Variants in IGSF21 observed in about 807,000 individuals in gnomAD.
The protein encoded by IGSF21 is immunoglobin superfamily member 21.
IGSF21 carries 28 observed loss-of-function variants against 46.8 expected under a neutral mutation model. The ratio of observed to expected loss-of-function variants is 0.60; its 90% CI spans 0.44 to 0.82. The LOEUF (loss-of-function observed/expected upper bound fraction) is 0.82, where lower values mean the gene tolerates loss of function less well. IGSF21 is among the 40% of genes least tolerant of loss of function. IGSF21 has a pLI of 0.00. For missense variants in IGSF21, 624 were observed against 665.5 expected (o/e 0.94, Z 0.69); for synonymous variants, 284 against 273.6 (o/e 1.04, Z -0.38).
chr1:18,320,688 T>G (rs765864779), intron 3 of IGSF21, among the ~76,000 whole-genome samples: 37 of 152,212 alleles, frequency 2.4e-4, no homozygotes, highest in Non-Finnish European at 3.8e-4. Flanking sequence ...GAGAGAGATC[T>G]CCAGCCATTC....
At chr1:18,278,955 A>C (rs1278758242) in intron 2 of IGSF21, 1 of 470,250 alleles carries the variant, frequency 2.1e-6, no homozygotes, top group East Asian at 7.0e-5. Flanking sequence ...GTTCGTAATC[A>C]AATGTTGGGG....
At chr1:18,245,716 T>C (rs949380116) in intron 2 of IGSF21, among the ~76,000 whole-genome samples, 1 of 152,240 alleles carries the variant, frequency 6.6e-6, no homozygotes, top group African/African-American at 2.4e-5. Context: ...TGCCAGGCAC[T>C]GGGCTAGGAT....
At chr1:18,142,611 G>T (rs1224032425) in intron 1 of IGSF21, among the ~76,000 whole-genome samples, 2 of 152,200 alleles carry the variant, frequency 1.3e-5, no homozygotes, top group African/African-American at 4.8e-5. Context: ...CTGAGAAGGA[G>T]CCGGGCTCTG....
At position 18,222,031 on chromosome 1, in the gene IGSF21, C is replaced by T. The variant is rs141536070; in HGVS notation, c.71-5867C>T. On this transcript the variant is annotated intron_variant, in intron 1 of 9. Transcript: ENST00000251296. The stretch of plus-strand genomic sequence containing the variant: ...AGGGAAAACTTGCCTGAGGTCCCAG[C>T]GCTGGGTGGCAGTGTTGCTGAGACC... Among the ~76,000 whole-genome samples the T allele has an allele frequency of 1.4e-4, 21 of 152,250 alleles. No individual in the cohort carries two copies. In the East Asian group the frequency reaches 3.5e-3, roughly 25 times the overall value.
intron 3 of IGSF21, among the ~76,000 whole-genome samples, chr1:18,313,630 G>T (rs972207786): frequency 6.6e-6 from 1 of 152,166 alleles, no homozygotes; most frequent in Non-Finnish European, 1.5e-5. Flanking sequence ...CTGGGCTCCA[G>T]GGAGACAGCA....
At chr1:18,196,869 C>G (rs887849761) in intron 1 of IGSF21, among the ~76,000 whole-genome samples, 16 of 152,128 alleles carry the variant, frequency 1.1e-4, no homozygotes, top group African/African-American at 2.9e-4. Context: ...CAGTAAGACA[C>G]CCTTCTATGC....
chr1:18,330,746 ATC>A (rs1462259107), intron 3 of IGSF21, among the ~76,000 whole-genome samples: 1 of 152,178 alleles, frequency 6.6e-6, no homozygotes. Flanking sequence ...GATGATTCTT[ATC>A]TCTCTTTTTG....
At chr1:18,181,839 T>C (rs757927687) in intron 1 of IGSF21, among the ~76,000 whole-genome samples, 1 of 152,116 alleles carries the variant, frequency 6.6e-6, no homozygotes, top group African/African-American at 2.4e-5. Flanking sequence ...CACGTTCCCA[T>C]CTTGACACCA....
chr1:18,122,375 G>A (rs1462938119), intron 1 of IGSF21, among the ~76,000 whole-genome samples: 1 of 151,110 alleles, frequency 6.6e-6, no homozygotes, highest in Non-Finnish European at 1.5e-5. Flanking sequence ...ATTTTTCATA[G>A]AGACAGGGTT....
chr1:18,159,069 C>T (rs927164279), intron 1 of IGSF21, among the ~76,000 whole-genome samples: 2 of 152,202 alleles, frequency 1.3e-5, no homozygotes, highest in Non-Finnish European at 2.9e-5. Flanking sequence ...GTTTGGTCGC[C>T]TCTCTGCCCA....
intron 2 of IGSF21, among the ~76,000 whole-genome samples, chr1:18,238,032 GC>G (rs2084689366): frequency 6.6e-6 from 1 of 152,008 alleles, no homozygotes; most frequent in Non-Finnish European, 1.5e-5. Flanking sequence ...CAGAAAATAT[GC>G]CTAATATGTT....
intron 1 of IGSF21, among the ~76,000 whole-genome samples, chr1:18,194,677 T>C (rs1404553595): frequency 6.6e-6 from 1 of 152,212 alleles, no homozygotes; most frequent in African/African-American, 2.4e-5. Flanking sequence ...GCCTCTTAAC[T>C]AATTACAACT....
At chr1:18,153,224 C>T (rs962410207) in intron 1 of IGSF21, among the ~76,000 whole-genome samples, 2 of 152,194 alleles carry the variant, frequency 1.3e-5, no homozygotes, top group Non-Finnish European at 2.9e-5. Context: ...GAGGCATTCC[C>T]GGGCGTTGCT....
chr1:18,328,417 G>A (rs1470164639), intron 3 of IGSF21, among the ~76,000 whole-genome samples: 2 of 152,192 alleles, frequency 1.3e-5, no homozygotes, highest in African/African-American at 4.8e-5. Flanking sequence ...GCTACTCAAA[G>A]TCTGGTTTCT....
Position 18,334,753 on chromosome 1 carries a change from C to T in IGSF21, c.306-139C>T. 1.4e-6 allele frequency: 1 copy of T among 689,686 alleles called. No individual in the cohort carries two copies. The highest frequency in any genetic ancestry group is 2.6e-6 in the Non-Finnish European group (1 of 380,654). 42.7% of individuals were successfully genotyped at this position (689,686 alleles called of 1,614,324 possible). ...ATACAGTCGGTGTTCCATAAATGCT[C>T]CCCTCCTCCCAGCCCAGCACACAGG... On this transcript the variant is annotated intron_variant, in intron 3 of 9. Transcript: ENST00000251296. The surrounding 1 kb of genome is among the most constrained non-coding windows in gnomAD (Gnocchi z 4.3).
intron 1 of IGSF21, among the ~76,000 whole-genome samples, chr1:18,155,406 A>G (rs1426111215): frequency 2.6e-5 from 4 of 152,182 alleles, no homozygotes; most frequent in East Asian, 1.9e-4. Flanking sequence ...CCTACTTTGT[A>G]GGGTTGCTAT....
intron 3 of IGSF21, among the ~76,000 whole-genome samples, chr1:18,306,960 C>T (rs116692241): frequency 0.017 from 2,596 of 152,348 alleles, 27 homozygotes; most frequent in Middle Eastern, 0.054. Flanking sequence ...CTTCCAGGAA[C>T]CCAGTCAGCC....
chr1:18,123,697 G>T (rs1054910182), intron 1 of IGSF21, among the ~76,000 whole-genome samples: 1 of 152,094 alleles, frequency 6.6e-6, no homozygotes, highest in Admixed American at 6.5e-5. Context: ...GAAGGGAGTG[G>T]AGGGATCTGA....
At chr1:18,250,274 G>A (rs1468407561) in intron 2 of IGSF21, among the ~76,000 whole-genome samples, 1 of 151,920 alleles carries the variant, frequency 6.6e-6, no homozygotes, top group Non-Finnish European at 1.5e-5. Context: ...GTTCCTTCAG[G>A]AGCAAATGAC....
Sources: allele counts gnomAD v4.1 joint callset (sites outside exome capture counted in the v4.1 genomes callset), GRCh38; gene constraint gnomAD v4.1.1; non-coding constraint Gnocchi (gnomAD v3.1); transcripts MANE v1.5; gene names NCBI Gene and HGNC (gene_info 2026-07-23, HGNC 2026-07-21).